TNIP3: variants seen among roughly 807,000 people sequenced by gnomAD.
The protein encoded by TNIP3 is TNFAIP3-interacting protein 3.
In TNIP3, 34 loss-of-function variants were observed where a neutral mutation model predicts 54.1. That is an observed-to-expected ratio of 0.63 (90% CI 0.48 to 0.84). The LOEUF (loss-of-function observed/expected upper bound fraction) is 0.84, where lower values mean the gene tolerates loss of function less well. Ranked by LOEUF, TNIP3 falls within the 40% of genes least tolerant of loss-of-function variation. The pLI, the probability that TNIP3 is intolerant of heterozygous loss-of-function variation, is 0.00. For synonymous variants in TNIP3, 134 were observed against 136.8 expected, an observed-to-expected ratio of 0.98 and a Z score of 0.14; for missense variants, 366 against 387.6, an observed-to-expected ratio of 0.94 and a Z score of 0.47.
intron 5 of TNIP3, among the ~76,000 whole-genome samples, chr4:121,151,799 G>A (rs1219896603): frequency 1.3e-5 from 2 of 152,150 alleles, no homozygotes; most frequent in Non-Finnish European, 2.9e-5. Flanking sequence ...AATGAAAGAT[G>A]AGTCTAATAG....
At chr4:121,223,571 CCA>C (rs926970837) in intron 1 of TNIP3, among the ~76,000 whole-genome samples, 1 of 151,732 alleles carries the variant, frequency 6.6e-6, no homozygotes, top group Non-Finnish European at 1.5e-5. Context: ...TTAAATTCCA[CCA>C]CATTTATTTA....
At chr4:121,198,722 G>A (rs1167298665) in intron 2 of TNIP3, among the ~76,000 whole-genome samples, 1 of 152,144 alleles carries the variant, frequency 6.6e-6, no homozygotes, top group African/African-American at 2.4e-5. Flanking sequence ...TCAAGAAGAT[G>A]GGTTGCCTTA....
At chr4:121,212,414 C>T (rs1182290911) in intron 2 of TNIP3, among the ~76,000 whole-genome samples, 2 of 152,134 alleles carry the variant, frequency 1.3e-5, no homozygotes, top group African/African-American at 2.4e-5. Flanking sequence ...AGACTGCTTT[C>T]TTAGTGTGGA....
At chr4:121,193,531 C>T (rs543740304) in intron 2 of TNIP3, among the ~76,000 whole-genome samples, 1 of 152,110 alleles carries the variant, frequency 6.6e-6, no homozygotes, top group South Asian at 2.1e-4. Context: ...AACATTATCC[C>T]ATTAGAAAAT....
intron 2 of TNIP3, among the ~76,000 whole-genome samples, chr4:121,189,650 G>T (rs1725198984): frequency 1.3e-5 from 2 of 152,142 alleles, no homozygotes; most frequent in South Asian, 4.1e-4. Flanking sequence ...AAGAGAGAGG[G>T]TTTGCTGAGA....
chr4:121,185,492 C>T (rs1331853338), intron 2 of TNIP3, among the ~76,000 whole-genome samples: 1 of 151,942 alleles, frequency 6.6e-6, no homozygotes, highest in African/African-American at 2.4e-5. Flanking sequence ...CCTCCCTTGC[C>T]CCATCTATGT....
chr4:121,172,254 G>A (rs968054296), intron 3 of TNIP3, among the ~76,000 whole-genome samples: 14 of 152,310 alleles, frequency 9.2e-5, no homozygotes, highest in Non-Finnish European at 2.1e-4. Context: ...ACCTTAGAGT[G>A]GTGTGGAAGC....
At chr4:121,176,100 C>T (rs1199482155) in intron 3 of TNIP3, among the ~76,000 whole-genome samples, 2 of 152,184 alleles carry the variant, frequency 1.3e-5, no homozygotes, top group Non-Finnish European at 2.9e-5. Flanking sequence ...TACAACCTGG[C>T]CTATTTATCC....
At chr4:121,175,745 C>T (rs950610198) in intron 3 of TNIP3, among the ~76,000 whole-genome samples, 2 of 152,190 alleles carry the variant, frequency 1.3e-5, no homozygotes, top group African/African-American at 2.4e-5. Flanking sequence ...CCCCCTTGCA[C>T]CACTTCTGTC....
chr4:121,139,052 C>T (rs992132047), intron 9 of TNIP3, among the ~76,000 whole-genome samples: 4 of 152,012 alleles, frequency 2.6e-5, no homozygotes, highest in Non-Finnish European at 4.4e-5. Flanking sequence ...TTTTTGAGAC[C>T]CTCACACTAG....
chr4:121,182,447 G>A lies in TNIP3; in HGVS notation c.189+229C>T, dbSNP rs190201043. ...ACCTTCTTGTAGTCACAGCTGCCTG[G>A]ACACTTTAAAGTGGAAAGTGCCAGC... On this transcript the variant is annotated intron_variant, in intron 3 of 12. Transcript: ENST00000507879. Among the ~76,000 whole-genome samples, 19 of 152,220 alleles carry A rather than the reference G, an allele frequency of 1.2e-4. No homozygotes were observed. In the East Asian group the frequency reaches 3.7e-3, roughly 29 times the overall value.
At chr4:121,154,218 C>A (rs1214551931) in intron 5 of TNIP3, 2 of 293,494 alleles carry the variant, frequency 6.8e-6, no homozygotes, top group African/African-American at 2.3e-5. Flanking sequence ...GAAGCTTTTG[C>A]GGTTGACCAA....
intron 2 of TNIP3, among the ~76,000 whole-genome samples, chr4:121,190,450 T>C (rs1725247974): frequency 6.6e-6 from 1 of 152,146 alleles, no homozygotes. Context: ...AAGCTCCCAT[T>C]AAAAAGTCCT....
upstream of TNIP3, among the ~76,000 whole-genome samples, chr4:121,165,865 G>A (rs578033236): frequency 2.4e-4 from 37 of 152,098 alleles, no homozygotes; most frequent in Non-Finnish European, 8.8e-5. Flanking sequence ...CAGAAGCAGC[G>A]ATTTCCTGAA....
chr4:121,152,131 A>G (rs1484334222), intron 5 of TNIP3, among the ~76,000 whole-genome samples: 1 of 152,178 alleles, frequency 6.6e-6, no homozygotes, highest in Non-Finnish European at 1.5e-5. Context: ...ACATATTACA[A>G]ATTTTTTCTG....
chr4:121,182,595 G>A (rs750304558), intron 3 of TNIP3: 105 of 1,471,544 alleles, frequency 7.1e-5, no homozygotes, highest in Non-Finnish European at 9.0e-5. Flanking sequence ...AATGACTTGG[G>A]GACTGTCTCC....
intron 2 of TNIP3, among the ~76,000 whole-genome samples, chr4:121,211,096 G>C (rs541253605): frequency 6.6e-6 from 1 of 152,246 alleles, no homozygotes; most frequent in Non-Finnish European, 1.5e-5. Flanking sequence ...ACTGGACTTG[G>C]AAAGCAGAAA....
intron 4 of TNIP3, among the ~76,000 whole-genome samples, chr4:121,154,965 C>A (rs1289502422): frequency 7.1e-6 from 1 of 141,498 alleles, no homozygotes; most frequent in Non-Finnish European, 1.6e-5. Flanking sequence ...ATTCCCAATT[C>A]TTTTTTTTTT....
rs561217284 is a variant in TNIP3 at position 121,213,427 on chromosome 4, T to TA, written c.68+2987dup. On this transcript the variant is annotated intron_variant, in intron 2 of 12. Transcript: ENST00000507879. The stretch of plus-strand genomic sequence containing the variant: ...TTCTGAATGCATAATCCATTTTTTT[T>TA]AAAAAAAGACATTCTTCAGCCAGGC... Among the ~76,000 whole-genome samples, 14 of 151,996 alleles carry TA rather than the reference T, an allele frequency of 9.2e-5. No individual in the cohort carries two copies. The East Asian group carries it at 9.6e-4, about 10-fold the overall frequency.
Sources: allele counts gnomAD v4.1 joint callset (sites outside exome capture counted in the v4.1 genomes callset), GRCh38; gene constraint gnomAD v4.1.1; transcripts MANE v1.5; gene names NCBI Gene and HGNC (gene_info 2026-07-23, HGNC 2026-07-21).